Variants in ITK observed in about 807,000 individuals in gnomAD.
ITK encodes the protein IL2 inducible T cell kinase.
A neutral mutation model predicts 87.6 loss-of-function variants in ITK; 45 were observed. That is an observed-to-expected ratio of 0.51 (90% confidence interval 0.40 to 0.66). The LOEUF (loss-of-function observed/expected upper bound fraction) is 0.66. Ranked by LOEUF, ITK falls within the 30% of genes least tolerant of loss-of-function variation. ITK has a pLI of 0.00. For synonymous variants in ITK, 303 were observed against 273.6 expected (o/e 1.11, Z -1.06); for missense variants, 605 against 766.3 (o/e 0.79, Z 2.48).
chr5:157,198,598 G>A (rs1753898263), intron 1 of ITK, among the ~76,000 whole-genome samples: 1 of 152,110 alleles, frequency 6.6e-6, no homozygotes, highest in Admixed American at 6.6e-5. Context: ...TGAAATTAAT[G>A]GTCTTAGCTC....
rs771739318 is a variant in ITK, at chr5:157,240,222, G to A, written c.985+27G>A. ...TAAGCTCTAGAGCAGGGGTGGACCC[G>A]GGCCGCCCAGCAGGAGGTGAGCAGC... is the stretch of plus-strand genomic sequence containing the variant. On this transcript the variant is annotated intron_variant, in intron 10 of 16. Transcript: ENST00000422843. The A allele has an allele frequency of 2.5e-5, 41 of 1,612,166 alleles. No homozygotes were observed. In the Middle Eastern group the frequency reaches 6.6e-4, roughly 26 times the overall value.
At chr5:157,245,385 C>T (rs1755001086) in intron 13 of ITK, 1 of 422,932 alleles carries the variant, frequency 2.4e-6, no homozygotes, top group African/African-American at 2.0e-5. Context: ...ATTTAGTCAA[C>T]TGGGAGATGC....
chr5:157,188,435 A>T (rs1753688511), intron 1 of ITK, among the ~76,000 whole-genome samples: 1 of 152,114 alleles, frequency 6.6e-6, no homozygotes, highest in Non-Finnish European at 1.5e-5. Flanking sequence ...CTTCTGTCAC[A>T]TCTGCCTTCT....
chr5:157,205,726 A>G (rs1364564830), intron 1 of ITK, among the ~76,000 whole-genome samples: 1 of 152,176 alleles, frequency 6.6e-6, no homozygotes, highest in Admixed American at 6.5e-5. Context: ...ATTCAGTATG[A>G]TGTTGGCTGT....
At chr5:157,229,979 G>A (rs1260544365) in intron 7 of ITK, among the ~76,000 whole-genome samples, 2 of 152,180 alleles carry the variant, frequency 1.3e-5, no homozygotes, top group East Asian at 3.8e-4. Context: ...TCCTGGGCTG[G>A]ATCTTGACCC....
intron 4 of ITK, among the ~76,000 whole-genome samples, chr5:157,217,393 CA>C (rs1754320114): frequency 6.6e-6 from 1 of 152,124 alleles, no homozygotes; most frequent in Non-Finnish European, 1.5e-5. Context: ...CCAGCCCACT[CA>C]AAAAGCAGCA....
chr5:157,240,069 A>G lies in ITK; in HGVS notation c.859A>G (p.Asn287Asp), dbSNP rs748573843. ...VFTKAVVSEN[N>D]PCIKHYHIKE... ...GTGTTTCATTTGTTTAAGTGAGAAC[A>G]ATCCCTGTATAAAGCATTATCACAT... Residue 287 changes from asparagine to aspartate, a missense_variant, in exon 10 of 17, where the codon AAT becomes GAT. Around this residue, in one of 3 missense-constraint regions of ITK, gnomAD observed 464 missense variants for 578.0 expected, o/e 0.80. Coordinates refer to ENST00000422843, the MANE Select transcript of ITK (RefSeq NM_005546.4). The G allele has an allele frequency of 4.3e-6, 7 of 1,611,930 alleles. No homozygotes were observed. The Admixed American group carries it at 1.2e-4, about 27-fold the overall frequency.
intron 1 of ITK, among the ~76,000 whole-genome samples, chr5:157,193,185 C>T (rs59510297): frequency 0.011 from 1,748 of 152,304 alleles, 36 homozygotes; most frequent in African/African-American, 0.04. Context: ...TGCACCACTG[C>T]ACTCCAGCCT....
At chr5:157,237,698 G>A (rs1213829450) in intron 8 of ITK, among the ~76,000 whole-genome samples, 1 of 152,190 alleles carries the variant, frequency 6.6e-6, no homozygotes, top group Admixed American at 6.5e-5. Context: ...GTTCAAATCC[G>A]AATTCTGTCA....
intron 1 of ITK, among the ~76,000 whole-genome samples, chr5:157,204,004 TTTTG>T (rs923276026): frequency 6.6e-6 from 1 of 152,148 alleles, no homozygotes; most frequent in Non-Finnish European, 1.5e-5. Flanking sequence ...TAGTATTTTG[TTTTG>T]TTTGTTTGCT....
At chr5:157,242,782 G>C (rs1265198990) in intron 11 of ITK, among the ~76,000 whole-genome samples, 1 of 152,178 alleles carries the variant, frequency 6.6e-6, no homozygotes, top group Non-Finnish European at 1.5e-5. Flanking sequence ...AAACAAGCAT[G>C]CTAGGTGATT....
chr5:157,224,369 A>C (rs1754489068), intron 6 of ITK: 1 of 151,546 alleles, frequency 6.6e-6, no homozygotes, highest in Non-Finnish European at 1.5e-5. Context: ...TCCTTTTTTC[A>C]CTTGTACCAA....
chr5:157,202,097 T>C (rs549727496), intron 1 of ITK, among the ~76,000 whole-genome samples: 37 of 152,210 alleles, frequency 2.4e-4, no homozygotes, highest in Admixed American at 3.9e-4. Flanking sequence ...TTAGTTCCTG[T>C]GTTAGTTCAC....
intron 7 of ITK, among the ~76,000 whole-genome samples, chr5:157,231,826 A>C (rs1754659913): frequency 6.6e-6 from 1 of 152,260 alleles, no homozygotes; most frequent in Non-Finnish European, 1.5e-5. Context: ...CTGGAAGAGC[A>C]GTCTTAAAGA....
chr5:157,214,016 C>T (rs1345878190), intron 3 of ITK, among the ~76,000 whole-genome samples, 175 bp from the exon 4 acceptor site: 1 of 152,132 alleles, frequency 6.6e-6, no homozygotes, highest in Non-Finnish European at 1.5e-5. Context: ...CATGAACTAC[C>T]CCAGTAAATA....
At position 157,229,082 on chromosome 5, in the gene ITK, T is replaced by C. The variant is rs149575338; in HGVS notation, c.713+721T>C. Among the ~76,000 whole-genome samples, 730 of 152,164 alleles carry C rather than the reference T, an allele frequency of 4.8e-3. 7 individuals carry two copies. Among genetic ancestry groups the C allele is most frequent in the African/African-American group, 0.017 (686 of 41,518 alleles). On this transcript the variant is annotated intron_variant, in intron 7 of 16. Coordinates refer to ENST00000422843, the MANE Select transcript of ITK (RefSeq NM_005546.4). ...GAATAATATAAGAATCTGTAATAAA[T>C]AGATAGACTGATAGATAAATAAAGA...
At chr5:157,218,025 C>T in intron 5 of ITK, 118 bp downstream of exon 5, 1 of 928,144 alleles carries the variant, frequency 1.1e-6, no homozygotes, top group Non-Finnish European at 1.8e-6. Context: ...ATGCAGCAGG[C>T]TGTCATGATT....
At chr5:157,222,713 G>A (rs565645725) in intron 5 of ITK, 150 bp from the exon 6 acceptor site, 1 of 726,906 alleles carries the variant, frequency 1.4e-6, no homozygotes, top group Non-Finnish European at 2.4e-6. Flanking sequence ...AAGCACTGAT[G>A]TCTTTGTGTC....
chr5:157,182,510 T>G (rs533296692), intron 1 of ITK, among the ~76,000 whole-genome samples: 1 of 152,310 alleles, frequency 6.6e-6, no homozygotes, highest in African/African-American at 2.4e-5. Flanking sequence ...ATTATCAGAC[T>G]CTTACTGATA....
Sources: allele counts gnomAD v4.1 joint callset (sites outside exome capture counted in the v4.1 genomes callset), GRCh38; gene constraint gnomAD v4.1.1; regional missense constraint gnomAD v4.1.1; transcripts MANE v1.5; gene names NCBI Gene and HGNC (gene_info 2026-07-23, HGNC 2026-07-21).